Variants in FAM210B observed in about 807,000 individuals in gnomAD.
The protein encoded by FAM210B is mitochondrial inner membrane scaffold 2.
FAM210B carries 11 observed loss-of-function variants against 14.9 expected under a neutral mutation model. The observed-to-expected ratio is 0.74, with a 90% CI of 0.46 to 1.22. The LOEUF (loss-of-function observed/expected upper bound fraction) is 1.22. Among genes scored for constraint, FAM210B ranks in the 50% most tolerant of loss-of-function variants. The probability of loss-of-function intolerance (pLI) is 0.00; values close to 1 mark genes in which losing one functional copy is unlikely to be tolerated. For synonymous variants in FAM210B, 113 were observed against 110.2 expected (o/e 1.03, Z -0.16); for missense variants, 229 against 250.1 (o/e 0.92, Z 0.57).
intron 1 of FAM210B, 133 bp from the exon 2 acceptor site, chr20:56,364,954 A>G: frequency 4.5e-6 from 4 of 895,436 alleles, no homozygotes; most frequent in Non-Finnish European, 6.4e-6. Flanking sequence ...ACTCTGTCTC[A>G]AAAGAAAAAG....
rs1983632566 is a variant in FAM210B, at chr20:56,366,225, C to T, written c.517C>T (p.Pro173Ser). The T allele has an allele frequency of 1.2e-6, 2 of 1,614,148 alleles. No homozygotes were observed. The highest frequency in any genetic ancestry group is 1.3e-5 in the African/African-American group (1 of 75,034). Reference sequence around the variant, plus strand: ...AATCAGCATTACGCTAGTCTCTGTGCCCTTGATTGTCAGATATTTTCGAAA... The same window carrying T: ...AATCAGCATTACGCTAGTCTCTGTGTCCTTGATTGTCAGATATTTTCGAAA... ...VRISITLVSV[P>S]LIVRYFRKVG... Residue 173 changes from proline (P) to serine (S), a missense_variant, in exon 3 of 3, where the codon CCC becomes TCC. This residue lies in a region of FAM210B where 53 missense variants were observed against 55.4 expected (regional missense o/e 0.96). Transcript: ENST00000371384.
Position 56,365,120 on chromosome 20 carries a change from A to T in FAM210B, c.220A>T (p.Ser74Cys), listed in dbSNP as rs781305698. The T allele has an allele frequency of 6.2e-7, 1 of 1,613,832 alleles. No homozygotes were observed. Among genetic ancestry groups the T allele is most frequent in the South Asian group, 1.1e-5 (1 of 91,054 alleles). The change falls in exon 2 of 3, where the codon AGC becomes TGC. Residue 74 changes from serine to cysteine, a missense_variant. Around this residue, in one of 3 missense-constraint regions of FAM210B, gnomAD observed 144 missense variants for 132.5 expected, o/e 1.09. Transcript: ENST00000371384. ...CCAGGCCACGGGGACAACAGGCAGC[A>T]GCGTCAGCTGCACAGAGGAGAAAAA... The part of the protein sequence containing the change: ...PSQATGTTGS[S>C]VSCTEEKKQS...
At chr20:56,366,046 G>T in intron 2 of FAM210B, 25 bp from the exon 3 acceptor site, 2 of 1,572,754 alleles carry the variant, frequency 1.3e-6, no homozygotes, top group Non-Finnish European at 1.7e-6. Context: ...TGTAATAATT[G>T]TTTTCTTTGC....
Position 56,365,155 on chromosome 20 carries a change from G to A in FAM210B, c.255G>A (p.Lys85=). 6.2e-7 allele frequency: 1 copy of A among 1,614,164 alleles called. No individual in the cohort carries two copies. The highest frequency in any genetic ancestry group is 2.2e-5 in the East Asian group (1 of 44,878). ...GCACAGAGGAGAAAAAGCAAAGCAA[G>A]TCACAGCAACTGAAAAAGATTTTTC... ...VSCTEEKKQS[K]SQQLKKIFQE... is the part of the protein sequence containing the mutation. Residue 85 remains lysine (K), a synonymous_variant, in exon 2 of 3, where the codon AAG becomes AAA. Transcript: ENST00000371384.
chr20:56,364,902 C>T (rs112625556), intron 1 of FAM210B, among the ~76,000 whole-genome samples, 185 bp from the exon 2 acceptor site: 24,843 of 152,096 alleles, frequency 0.16, 2,168 homozygotes, highest in Middle Eastern at 0.21. Context: ...TGCAATGAGC[C>T]ACAATCATGC....
rs1461665927 is a variant in FAM210B, at chr20:56,359,171, G to A, written c.166G>A (p.Gly56Arg). Residue 56 changes from glycine to arginine, a missense_variant, in exon 1 of 3, where the codon GGG becomes AGG. Around this residue, in one of 3 missense-constraint regions of FAM210B, gnomAD observed 144 missense variants for 132.5 expected, o/e 1.09. Transcript: ENST00000371384. This position sits in a 1 kb window ranked among gnomAD's most constrained non-coding sequence, Gnocchi z 4.3. ...CGCCCGGCTGCTCCGCACGGCGCGC[G>A]GGGACTGCCGCGGCCACCAGGTAAG... is the stretch of plus-strand genomic sequence containing the variant. ...LDARLLRTAR[G>R]DCRGHQDPSQ... is the part of the protein sequence containing the mutation. The A allele has an allele frequency of 9.7e-6, 12 of 1,236,874 alleles. No homozygotes were observed. The highest frequency in any genetic ancestry group is 1.2e-5 in the Non-Finnish European group (12 of 993,692). The allele number at this position is 1,236,874 out of a possible 1,614,324, so 76.6% of individuals were successfully genotyped here. A position where few individuals can be genotyped will look rare whatever the true frequency, so the allele number is the denominator to read the frequency against.
rs1029318105 is a variant in FAM210B at position 56,362,541 on chromosome 20, C to T, written c.187-2546C>T. ...TCTTTTATTTCAGCTTCTTTAGTCT[C>T]CCCAAAGGTTAGGAAGAAAAATGCG... On this transcript the variant is annotated intron_variant, in intron 1 of 2. Transcript: ENST00000371384. This position sits in a 1 kb window ranked among gnomAD's most constrained non-coding sequence, Gnocchi z 4.8. Among the ~76,000 whole-genome samples, 1 of 152,210 alleles carries T rather than the reference C, an allele frequency of 6.6e-6. No homozygotes were observed. Among genetic ancestry groups the T allele is most frequent in the Non-Finnish European group, 1.5e-5 (1 of 68,044 alleles).
rs1600664559 is a variant in FAM210B at position 56,366,588 on chromosome 20, G to A, written c.*301G>A. On this transcript the variant is annotated 3_prime_UTR_variant, in exon 3 of 3. Transcript: ENST00000371384. ...TAGCCTACAAATGTTCCTTGTGGGA[G>A]ACTTTGGCGAGGGTCTGTGGGTAAA... is the stretch of plus-strand genomic sequence containing the variant. 3.6e-6 allele frequency: 1 copy of A among 278,728 alleles called. No homozygotes were observed. The highest frequency in any genetic ancestry group is 9.1e-5 in the East Asian group (1 of 10,976). The allele number at this position is 278,728 out of a possible 1,614,324, so 17.3% of individuals were successfully genotyped here. A position where few individuals can be genotyped will look rare whatever the true frequency, so the allele number is the denominator to read the frequency against.
intron 1 of FAM210B, among the ~76,000 whole-genome samples, chr20:56,364,302 T>C (rs183240086): frequency 1.3e-5 from 2 of 152,226 alleles, no homozygotes; most frequent in Non-Finnish European, 2.9e-5. Flanking sequence ...CTTTTCCAGC[T>C]TAAAGCCGCT....
rs1299961172 is a variant in FAM210B at position 56,363,797 on chromosome 20, G to A, written c.187-1290G>A. On this transcript the variant is annotated intron_variant, in intron 1 of 2. Transcript: ENST00000371384. This position sits in a 1 kb window ranked among gnomAD's most constrained non-coding sequence, Gnocchi z 4.1. ...ACTTTGTGTGTTTCAGATGTCAGGT[G>A]TAAATCTTGATTCTAGGAGTAAATC... Among the ~76,000 whole-genome samples, 1 of 152,192 alleles carries A rather than the reference G, an allele frequency of 6.6e-6. No individual in the cohort carries two copies. The highest frequency in any genetic ancestry group is 1.5e-5 in the Non-Finnish European group (1 of 68,018).
At chr20:56,365,885 C>T (rs1195114289) in intron 2 of FAM210B, among the ~76,000 whole-genome samples, 186 bp from the exon 3 acceptor site, 1 of 151,642 alleles carries the variant, frequency 6.6e-6, no homozygotes, top group African/African-American at 2.4e-5. Flanking sequence ...CTCAAGCGAT[C>T]CTCCCACCTC....
In FAM210B at chr20:56,359,066, C is replaced by CGCGCCACCTGGCTCCTGG. The variant is rs1983478542; in HGVS notation, c.70_87dup (p.Trp24_Thr29dup). On this transcript the variant is annotated inframe_insertion, in exon 1 of 3. Coordinates refer to ENST00000371384, the MANE Select transcript of FAM210B (RefSeq NM_080821.3). The surrounding 1 kb of genome is among the most constrained non-coding windows in gnomAD (Gnocchi z 4.3). ...CAGGGTGGGCGCCCGGGTCCGGCCTCGCGCCACCTGGCTCCTGGGCGCCAC... is the reference window on the plus strand; with the variant it reads ...CAGGGTGGGCGCCCGGGTCCGGCCTCGCGCCACCTGGCTCCTGGGCGCCACCTGGCTCCTGGGCGCCAC... 7.4e-7 allele frequency: 1 copy of CGCGCCACCTGGCTCCTGG among 1,357,582 alleles called. No individual in the cohort carries two copies. The highest frequency in any genetic ancestry group is 2.9e-5 in the Admixed American group (1 of 35,072). 84.1% of individuals were successfully genotyped at this position (1,357,582 alleles called of 1,614,324 possible).
In FAM210B at chr20:56,361,634, A is replaced by T. The variant is rs375669760; in HGVS notation, c.186+2443A>T. On this transcript the variant is annotated intron_variant, in intron 1 of 2. Transcript: ENST00000371384. ...TCTTCTGTTAAGTGGGGTTGACAGT[A>T]GTCAAGGTTGTTGTGAGGATTATAT... Among the ~76,000 whole-genome samples, 20 of 152,316 alleles carry T rather than the reference A, an allele frequency of 1.3e-4. No homozygotes were observed. The South Asian group carries it at 3.9e-3, about 30-fold the overall frequency.
chr20:56,364,102 G>C (rs936599296), intron 1 of FAM210B, among the ~76,000 whole-genome samples: 1 of 152,238 alleles, frequency 6.6e-6, no homozygotes, highest in South Asian at 2.1e-4. Flanking sequence ...TTGTCCCCAA[G>C]CTTGTGAGCC....
rs1020580849 is a variant in FAM210B, at chr20:56,359,040, G to A, written c.35G>A (p.Gly12Asp). The A allele has an allele frequency of 2.2e-6, 3 of 1,350,056 alleles. No individual in the cohort carries two copies. Among genetic ancestry groups the A allele is most frequent in the Admixed American group, 5.7e-5 (2 of 35,038 alleles). 83.6% of individuals were successfully genotyped at this position (1,350,056 alleles called of 1,614,324 possible). ...TTGCTGGCGTTGCTGGGTCCGGCAG[G>A]CAGGGTGGGCGCCCGGGTCCGGCCT... ...AGLLALLGPA[G>D]RVGARVRPRA... The change falls in exon 1 of 3, where the codon GGC becomes GAC. Residue 12 changes from glycine (G) to aspartate (D), a missense_variant. Gly to Asp is a moderately conservative substitution (Grantham distance 94). Coordinates refer to ENST00000371384, the MANE Select transcript of FAM210B (RefSeq NM_080821.3). The surrounding 1 kb of genome is among the most constrained non-coding windows in gnomAD (Gnocchi z 4.3).
Position 56,359,275 on chromosome 20 carries a change from C to G in FAM210B, c.186+84C>G. On this transcript the variant is annotated intron_variant, in intron 1 of 2. Transcript: ENST00000371384. The surrounding 1 kb of genome is among the most constrained non-coding windows in gnomAD (Gnocchi z 4.3). ...GGGCCGCGCCGGGGTCCGGCCGCCTCCGCCAAGGACGCCTTTGCACTTGTA... is the reference window on the plus strand; with the variant it reads ...GGGCCGCGCCGGGGTCCGGCCGCCTGCGCCAAGGACGCCTTTGCACTTGTA... 8.4e-7 allele frequency: 1 copy of G among 1,184,592 alleles called. No individual in the cohort carries two copies. The allele number at this position is 1,184,592 out of a possible 1,614,324, so 73.4% of individuals were successfully genotyped here. A position where few individuals can be genotyped will look rare whatever the true frequency, so the allele number is the denominator to read the frequency against.
At position 56,359,201 on chromosome 20, in the gene FAM210B, C is replaced by A; in HGVS notation, c.186+10C>A. On this transcript the variant is annotated intron_variant, in intron 1 of 2. Coordinates refer to ENST00000371384, the MANE Select transcript of FAM210B (RefSeq NM_080821.3). The surrounding 1 kb of genome is among the most constrained non-coding windows in gnomAD (Gnocchi z 4.3). ...CTGCCGCGGCCACCAGGTAAGCACC[C>A]CACCCCGACCCTGATCCCGGGCGGT... 1 of 1,227,958 alleles carries A rather than the reference C, an allele frequency of 8.1e-7. No homozygotes were observed. Among genetic ancestry groups the A allele is most frequent in the South Asian group, 4.1e-5 (1 of 24,644 alleles). The allele number at this position is 1,227,958 out of a possible 1,614,324, so 76.1% of individuals were successfully genotyped here. A position where few individuals can be genotyped will look rare whatever the true frequency, so the allele number is the denominator to read the frequency against.
In FAM210B at chr20:56,358,982, G is replaced by T. The variant is rs1223021305; in HGVS notation, c.-24G>T. The T allele has an allele frequency of 5.8e-6, 7 of 1,201,662 alleles. No homozygotes were observed. In the South Asian group the frequency reaches 1.6e-4, roughly 28 times the overall value. 74.4% of individuals were successfully genotyped at this position (1,201,662 alleles called of 1,614,324 possible). A position where few individuals can be genotyped will look rare whatever the true frequency, so the allele number is the denominator to read the frequency against. On this transcript the variant is annotated 5_prime_UTR_variant, in exon 1 of 3. Coordinates refer to ENST00000371384, the MANE Select transcript of FAM210B (RefSeq NM_080821.3). ...CGCCCGCCTCCCGGGTCAGCGGCGC[G>T]GGTGCTGCGCCTAGCTGCGCACCAT... is the stretch of plus-strand genomic sequence containing the variant.
In FAM210B at chr20:56,368,463, C is replaced by T. The variant is rs1983700369; in HGVS notation, c.*2176C>T. On this transcript the variant is annotated 3_prime_UTR_variant, in exon 3 of 3. Transcript: ENST00000371384. ...AATAAAACAAATCATACCAAAAAGC[C>T]ACATTGCTCTCTCCTAAGCCCCAAC... 2 of 152,204 alleles carry T rather than the reference C, an allele frequency of 1.3e-5. No individual in the cohort carries two copies. Among genetic ancestry groups the T allele is most frequent in the South Asian group, 2.1e-4 (1 of 4,828 alleles). The allele number at this position is 152,204 out of a possible 1,614,324, so 9.4% of individuals were successfully genotyped here.
Sources: gnomAD v4.1 joint callset for allele counts (sites outside exome capture counted in the v4.1 genomes callset) on GRCh38, gnomAD v4.1.1 for gene constraint, gnomAD v4.1.1 regional missense constraint, Gnocchi (gnomAD v3.1) non-coding constraint, MANE v1.5 for transcripts, NCBI Gene and HGNC (gene_info 2026-07-23, HGNC 2026-07-21) for gene names.